Variants in DCC observed in about 807,000 individuals in gnomAD.
The protein encoded by DCC is netrin receptor DCC.
In DCC, 58 loss-of-function variants were observed where a neutral mutation model predicts 172.5. The ratio of observed to expected loss-of-function variants is 0.34; its 90% CI spans 0.27 to 0.42. The LOEUF (loss-of-function observed/expected upper bound fraction) is 0.42. DCC is among the 10% of genes least tolerant of loss of function. The pLI is 1.00. For missense variants in DCC, 1,740 were observed against 1,791.0 expected, an observed-to-expected ratio of 0.97 and a Z score of 0.51; for synonymous variants, 709 against 644.5, an observed-to-expected ratio of 1.10 and a Z score of -1.52.
intron 7 of DCC, among the ~76,000 whole-genome samples, chr18:53,141,421 G>C (rs1357637982): frequency 6.6e-6 from 1 of 152,158 alleles, no homozygotes; most frequent in Non-Finnish European, 1.5e-5. Flanking sequence ...AGTCAAAGAT[G>C]GGGAAAATCC....
chr18:52,814,914 TA>T (rs907958931), intron 2 of DCC, among the ~76,000 whole-genome samples: 1 of 151,968 alleles, frequency 6.6e-6, no homozygotes, highest in East Asian at 1.9e-4. Context: ...TGGTGATGGC[TA>T]AAAAAAATGA....
intron 1 of DCC, among the ~76,000 whole-genome samples, chr18:52,415,272 C>T (rs995781560): frequency 3.9e-5 from 6 of 152,150 alleles, no homozygotes; most frequent in Non-Finnish European, 7.3e-5. Flanking sequence ...AATTATAATA[C>T]ATGATGGAAG....
chr18:52,793,959 A>C (rs1320667767), intron 2 of DCC, among the ~76,000 whole-genome samples: 2 of 151,018 alleles, frequency 1.3e-5, no homozygotes, highest in Non-Finnish European at 3.0e-5. Flanking sequence ...TAGGAGGATT[A>C]ATTTCTCGGT....
rs576893983 is a variant in DCC at position 53,090,652 on chromosome 18, C to T, written c.1261+24486C>T. Among the ~76,000 whole-genome samples the T allele has an allele frequency of 1.5e-3, 189 of 129,774 alleles. 1 individual carries two copies. Among genetic ancestry groups the T allele is most frequent in the Non-Finnish European group, 2.1e-3 (138 of 64,284 alleles). The allele number at this position is 129,774 out of a possible 152,430, so 85.1% of individuals were successfully genotyped here. On this transcript the variant is annotated intron_variant, in intron 7 of 28. Transcript: ENST00000442544. ...GAGCTTGCAGTGAGCCGAGATCACA[C>T]CACTGCACTCCAGCCTGGGTGACAG...
intron 1 of DCC, among the ~76,000 whole-genome samples, chr18:52,377,960 A>G (rs2144316101): frequency 1.3e-5 from 2 of 152,216 alleles, no homozygotes; most frequent in East Asian, 3.9e-4. Context: ...TCGGCCTCCC[A>G]AAGTGCTAGG....
intron 1 of DCC, among the ~76,000 whole-genome samples, chr18:52,511,772 CA>C (rs1168044575): frequency 6.6e-4 from 100 of 152,270 alleles, no homozygotes; most frequent in African/African-American, 2.3e-3. Context: ...AGATATTAAA[CA>C]ATTTATTTAA....
chr18:52,417,117 C>T (rs1248310937), intron 1 of DCC, among the ~76,000 whole-genome samples: 1 of 152,018 alleles, frequency 6.6e-6, no homozygotes, highest in Non-Finnish European at 1.5e-5. Context: ...TATTTTATTT[C>T]TCCTTCACTT....
chr18:53,172,192 C>A (rs908764045), intron 8 of DCC, among the ~76,000 whole-genome samples: 2 of 152,004 alleles, frequency 1.3e-5, no homozygotes, highest in East Asian at 1.9e-4. Context: ...TAGTTGGAGG[C>A]CATAATCCTA....
chr18:53,009,849 C>T (rs2041703555), intron 5 of DCC, among the ~76,000 whole-genome samples: 1 of 151,912 alleles, frequency 6.6e-6, no homozygotes, highest in South Asian at 2.1e-4. Context: ...AAAACCTCTG[C>T]CCTATTGGTT....
intron 7 of DCC, among the ~76,000 whole-genome samples, chr18:53,136,193 T>TTATCTACCTATCTATC: frequency 6.7e-6 from 1 of 149,064 alleles, no homozygotes; most frequent in Non-Finnish European, 1.5e-5. Flanking sequence ...GCATGTGATT[T>TTATCTACCTATCTATC]TATCTATCTA....
intron 1 of DCC, among the ~76,000 whole-genome samples, chr18:52,440,103 C>T (rs887426769): frequency 4.7e-4 from 71 of 152,296 alleles, no homozygotes; most frequent in Middle Eastern, 6.8e-3. Context: ...AGAGTTTGCT[C>T]TTTCCCATGT....
intron 1 of DCC, among the ~76,000 whole-genome samples, chr18:52,703,661 C>T (rs2036160936): frequency 6.6e-6 from 1 of 152,034 alleles, no homozygotes; most frequent in Non-Finnish European, 1.5e-5. Flanking sequence ...ACCTTAATTT[C>T]ACACTGCTTC....
At chr18:52,574,451 G>T (rs2144764408) in intron 1 of DCC, among the ~76,000 whole-genome samples, 1 of 152,250 alleles carries the variant, frequency 6.6e-6, no homozygotes. Flanking sequence ...TTTTCCTTAA[G>T]GCCACTGAAG....
rs2046527906 is a variant in DCC at position 53,531,806 on chromosome 18, A to C, written c.*1153A>C. On this transcript the variant is annotated 3_prime_UTR_variant, in exon 29 of 29. Transcript: ENST00000442544. ...CATTGGCCACCAGACCCTTTTGTTA[A>C]GGGAAACTTTTACACTACACCTGTG... The C allele has an allele frequency of 6.6e-6, 1 of 152,186 alleles. No individual in the cohort carries two copies. The highest frequency in any genetic ancestry group is 6.5e-5 in the Admixed American group (1 of 15,276). The allele number at this position is 152,186 out of a possible 1,614,324, so 9.4% of individuals were successfully genotyped here.
intron 27 of DCC, among the ~76,000 whole-genome samples, chr18:53,508,303 T>C (rs2046208417): frequency 6.6e-6 from 1 of 151,518 alleles, no homozygotes; most frequent in African/African-American, 2.4e-5. Context: ...GGTTATCCTC[T>C]CGCCTCAGCT....
intron 7 of DCC, among the ~76,000 whole-genome samples, chr18:53,145,499 C>A (rs1361184002): frequency 6.6e-6 from 1 of 152,026 alleles, no homozygotes; most frequent in Non-Finnish European, 1.5e-5. Context: ...GAGGACGCAG[C>A]AACGGGTGTC....
intron 2 of DCC, among the ~76,000 whole-genome samples, chr18:52,840,268 T>C (rs1322168695): frequency 6.6e-6 from 1 of 152,216 alleles, no homozygotes; most frequent in Non-Finnish European, 1.5e-5. Flanking sequence ...GGACACAGTC[T>C]GCTCTGTTAT....
chr18:53,195,243 T>A lies in DCC; in HGVS notation c.1574-9973T>A, dbSNP rs544436264. Among the ~76,000 whole-genome samples the A allele has an allele frequency of 5.9e-4, 90 of 152,342 alleles. 1 individual carries two copies. Among genetic ancestry groups the A allele is most frequent in the Non-Finnish European group, 1.5e-5 (1 of 68,042 alleles). Reference sequence around the variant, plus strand: ...GTTATCTTAGAGATAGTTTCTGACTTTTCTATGTGATTTTGTCAAAAGGCC... The same window carrying A: ...GTTATCTTAGAGATAGTTTCTGACTATTCTATGTGATTTTGTCAAAAGGCC... On this transcript the variant is annotated intron_variant, in intron 9 of 28. Transcript: ENST00000442544.
intron 7 of DCC, among the ~76,000 whole-genome samples, chr18:53,070,259 C>A (rs2042634560): frequency 1.3e-5 from 2 of 152,140 alleles, no homozygotes; most frequent in South Asian, 4.1e-4. Context: ...CTCGGCCTCA[C>A]AAAGTGCTGG....
Sources: gnomAD v4.1 joint callset for allele counts (sites outside exome capture counted in the v4.1 genomes callset) on GRCh38, gnomAD v4.1.1 for gene constraint, MANE v1.5 for transcripts, NCBI Gene and HGNC (gene_info 2026-07-23, HGNC 2026-07-21) for gene names.